PCDHA11: variants seen among roughly 807,000 people sequenced by gnomAD.
The protein encoded by PCDHA11 is protocadherin alpha-11.
PCDHA11 carries 61 observed loss-of-function variants against 70.3 expected under a neutral mutation model. The observed-to-expected ratio is 0.87, with a 90% CI of 0.71 to 1.07. The LOEUF (loss-of-function observed/expected upper bound fraction) is 1.07. Ranked by LOEUF, PCDHA11 falls within the 50% of genes least tolerant of loss-of-function variation. The pLI is 0.00. For missense variants in PCDHA11, 1,324 were observed against 1,237.5 expected (o/e 1.07, Z -1.05); for synonymous variants, 633 against 555.1 (o/e 1.14, Z -1.97).
intron 3 of PCDHA11, among the ~76,000 whole-genome samples, chr5:140,990,831 A>G (rs1004872074): frequency 6.6e-6 from 1 of 152,192 alleles, no homozygotes; most frequent in Non-Finnish European, 1.5e-5. Context: ...GCTAAAGCCT[A>G]TTAGCAAAAA....
chr5:140,911,672 C>G (rs1010402307), intron 1 of PCDHA11, among the ~76,000 whole-genome samples: 1 of 152,156 alleles, frequency 6.6e-6, no homozygotes, highest in Non-Finnish European at 1.5e-5. Context: ...TTGCCTCTCA[C>G]GAACCGTGCA....
At chr5:140,873,291 T>G (rs1392246125) in intron 1 of PCDHA11, among the ~76,000 whole-genome samples, 1 of 152,198 alleles carries the variant, frequency 6.6e-6, no homozygotes, top group Admixed American at 6.5e-5. Context: ...TTATGAAACT[T>G]TATAAATATA....
intron 3 of PCDHA11, among the ~76,000 whole-genome samples, chr5:140,985,903 C>G (rs1554247500): frequency 6.6e-6 from 1 of 151,964 alleles, no homozygotes; most frequent in Non-Finnish European, 1.5e-5. Context: ...CCACTCCCGT[C>G]TAATTTTTTG....
chr5:140,913,670 A>G (rs2076427033), intron 1 of PCDHA11, among the ~76,000 whole-genome samples: 1 of 152,090 alleles, frequency 6.6e-6, no homozygotes, highest in Non-Finnish European at 1.5e-5. Flanking sequence ...TAGTTAGGTT[A>G]TTTAAAATGA....
Position 141,010,339 on chromosome 5 carries a change from A to C in PCDHA11, c.*402A>C. ...TTGAGCAGCTTGGGAGTTTGTGGCCACTGGGTATGTGTGGCTACCGCGGGT... is the reference window on the plus strand; with the variant it reads ...TTGAGCAGCTTGGGAGTTTGTGGCCCCTGGGTATGTGTGGCTACCGCGGGT... On this transcript the variant is annotated 3_prime_UTR_variant, in exon 4 of 4. Coordinates refer to ENST00000398640, the MANE Select transcript of PCDHA11 (RefSeq NM_018902.5). 6.5e-7 allele frequency: 1 copy of C among 1,534,060 alleles called. No homozygotes were observed. The highest frequency in any genetic ancestry group is 8.8e-7 in the Non-Finnish European group (1 of 1,140,682).
intron 1 of PCDHA11, among the ~76,000 whole-genome samples, chr5:140,941,255 CTCTT>C (rs1554214207): frequency 2.2e-4 from 10 of 44,514 alleles, no homozygotes; most frequent in East Asian, 7.5e-4. Flanking sequence ...TTCTTTCTTT[CTCTT>C]TCTTTCTTTC....
At chr5:140,984,945 C>CA (rs1307962082) in intron 3 of PCDHA11, among the ~76,000 whole-genome samples, 2 of 149,212 alleles carry the variant, frequency 1.3e-5, no homozygotes, top group African/African-American at 4.9e-5. Flanking sequence ...AATGTCTAAT[C>CA]TTTTTTTTTT....
chr5:140,876,657 C>T (rs782518264), intron 1 of PCDHA11: 3 of 1,614,228 alleles, frequency 1.9e-6, no homozygotes, highest in East Asian at 4.5e-5. Flanking sequence ...ATGTTCCCTT[C>T]AAGCTGGTGT....
intron 1 of PCDHA11, among the ~76,000 whole-genome samples, chr5:140,953,061 G>A (rs919542084): frequency 2.0e-5 from 3 of 152,064 alleles, no homozygotes; most frequent in African/African-American, 7.2e-5. Flanking sequence ...CCTCTCACAG[G>A]CCCCATCTCC....
rs782166134 is a variant in PCDHA11 at position 140,929,299 on chromosome 5, G to C, written c.2392-49650G>C. Reference sequence around the variant, plus strand: ...CTGTATTCAGATTCGGAATAGGAAAGGGGATCACGCTAATGTCAATGCCAT... The same window carrying C: ...CTGTATTCAGATTCGGAATAGGAAACGGGATCACGCTAATGTCAATGCCAT... On this transcript the variant is annotated intron_variant, in intron 1 of 3. Coordinates refer to ENST00000398640, the MANE Select transcript of PCDHA11 (RefSeq NM_018902.5). 1.2e-5 allele frequency: 19 copies of C among 1,590,714 alleles called. No individual in the cohort carries two copies. The highest frequency in any genetic ancestry group is 1.6e-5 in the Non-Finnish European group (19 of 1,164,870).
At chr5:140,958,295 C>T (rs1405336220) in intron 1 of PCDHA11, among the ~76,000 whole-genome samples, 1 of 151,884 alleles carries the variant, frequency 6.6e-6, no homozygotes, top group Admixed American at 6.6e-5. Context: ...TATTATTGAA[C>T]TTAATTAAAA....
At position 141,010,950 on chromosome 5, in the gene PCDHA11, A is replaced by G. The variant is rs1278386004; in HGVS notation, c.*1013A>G. The G allele has an allele frequency of 6.5e-6, 1 of 153,760 alleles. No homozygotes were observed. Among genetic ancestry groups the G allele is most frequent in the Admixed American group, 6.5e-5 (1 of 15,284 alleles). 9.5% of individuals were successfully genotyped at this position (153,760 alleles called of 1,614,324 possible). A position where few individuals can be genotyped will look rare whatever the true frequency, so the allele number is the denominator to read the frequency against. ...TCAGTCTACAGCCATTTAAATGATC[A>G]TTGCTGCTACAGAAGTGCTTTAAGA... is the stretch of plus-strand genomic sequence containing the variant. On this transcript the variant is annotated 3_prime_UTR_variant, in exon 4 of 4. Coordinates refer to ENST00000398640, the MANE Select transcript of PCDHA11 (RefSeq NM_018902.5).
intron 1 of PCDHA11, among the ~76,000 whole-genome samples, chr5:140,976,680 C>T (rs2096726528): frequency 6.6e-6 from 1 of 152,146 alleles, no homozygotes; most frequent in African/African-American, 2.4e-5. Context: ...CTCATTTTTG[C>T]AATTTAAGTA....
chr5:140,871,357 C>A lies in PCDHA11; in HGVS notation c.2254C>A (p.Gln752Lys). The A allele has an allele frequency of 6.2e-7, 1 of 1,614,196 alleles. No homozygotes were observed. Among genetic ancestry groups the A allele is most frequent in the Non-Finnish European group, 8.5e-7 (1 of 1,180,032 alleles). Residue 752 changes from glutamine (Q) to lysine (K), a missense_variant, in exon 1 of 4, where the codon CAG becomes AAG. Coordinates refer to ENST00000398640, the MANE Select transcript of PCDHA11 (RefSeq NM_018902.5). Reference protein sequence around the residue: ...RAVGSWSYSQQRRQRVCSEEG... With the variant: ...RAVGSWSYSQKRRQRVCSEEG... The stretch of plus-strand genomic sequence containing the variant: ...GGTGGGGAGCTGGTCATACTCGCAG[C>A]AGAGGCGGCAGAGGGTGTGCTCTGA...
chr5:140,905,995 G>C (rs2072280853), intron 1 of PCDHA11, among the ~76,000 whole-genome samples: 1 of 152,114 alleles, frequency 6.6e-6, no homozygotes. Context: ...ATGTAGGCTG[G>C]GAGGCTAAGC....
intron 1 of PCDHA11, among the ~76,000 whole-genome samples, chr5:140,912,783 A>G (rs1287611610): frequency 6.6e-6 from 1 of 152,166 alleles, no homozygotes; most frequent in African/African-American, 2.4e-5. Context: ...TGTCCCTTCT[A>G]TGCCAATTTT....
chr5:140,929,080 A>G, intron 1 of PCDHA11: 1 of 1,614,180 alleles, frequency 6.2e-7, no homozygotes, highest in Non-Finnish European at 8.5e-7. Context: ...GTATGGAAGT[A>G]AGATGGTTTC....
At chr5:140,956,142 T>C (rs1416783643) in intron 1 of PCDHA11, among the ~76,000 whole-genome samples, 1 of 152,194 alleles carries the variant, frequency 6.6e-6, no homozygotes, top group East Asian at 1.9e-4. Flanking sequence ...CCTTTATTTC[T>C]TTCTCTTTCC....
At chr5:140,887,039 T>G (rs1396033565) in intron 1 of PCDHA11, among the ~76,000 whole-genome samples, 2 of 152,156 alleles carry the variant, frequency 1.3e-5, no homozygotes, top group African/African-American at 4.8e-5. Flanking sequence ...TTAATATTTT[T>G]TATAGTGCAT....
Sources: allele counts gnomAD v4.1 joint callset (sites outside exome capture counted in the v4.1 genomes callset), GRCh38; gene constraint gnomAD v4.1.1; transcripts MANE v1.5; gene names NCBI Gene and HGNC (gene_info 2026-07-23, HGNC 2026-07-21).